Variants in TJP1 observed in about 807,000 individuals in gnomAD.
The protein encoded by TJP1 is tight junction protein 1.
A neutral mutation model predicts 194.2 loss-of-function variants in TJP1; 43 were observed. The observed-to-expected ratio is 0.22, with a 90% CI of 0.17 to 0.29. The LOEUF is 0.29. Ranked by LOEUF, TJP1 falls within the 10% of genes least tolerant of loss-of-function variation. The probability of loss-of-function intolerance (pLI) is 1.00; values close to 1 mark genes in which losing one functional copy is unlikely to be tolerated. For missense variants in TJP1, 1,971 were observed against 2,185.7 expected, an observed-to-expected ratio of 0.90 and a Z score of 1.96; for synonymous variants, 801 against 779.0, an observed-to-expected ratio of 1.03 and a Z score of -0.47.
chr15:29,869,807 T>TC (rs1567150711), intron 2 of TJP1, among the ~76,000 whole-genome samples: 4 of 125,050 alleles, frequency 3.2e-5, no homozygotes, highest in African/African-American at 1.2e-4. Context: ...TTTTTTTTTT[T>TC]TTTTTTTTTT....
rs2051966697 is a variant in TJP1, at chr15:29,858,929, G to A, written c.307-58227C>T. ...GCTTGTCTCAAACTCCTGGGCTCAA[G>A]GCATCCTCCAGCCTCAGCCTCCCAT... On this transcript the variant is annotated intron_variant, in intron 2 of 28. Transcript: ENST00000356107. Among the ~76,000 whole-genome samples the A allele has an allele frequency of 2.0e-5, 3 of 151,922 alleles. 1 individual carries two copies. The South Asian group carries it at 6.2e-4, about 32-fold the overall frequency.
intron 2 of TJP1, among the ~76,000 whole-genome samples, chr15:29,869,149 G>A (rs1325988916): frequency 6.6e-6 from 1 of 152,184 alleles, no homozygotes; most frequent in Non-Finnish European, 1.5e-5. Context: ...AATTTCAGAT[G>A]AATCAAGTTT....
chr15:29,743,325 G>C (rs2044550262), intron 8 of TJP1, among the ~76,000 whole-genome samples: 1 of 152,190 alleles, frequency 6.6e-6, no homozygotes, highest in African/African-American at 2.4e-5. Flanking sequence ...AATGAAATGG[G>C]AATTCTTTAG....
At chr15:29,924,454 AAG>A (rs2054463612) in intron 2 of TJP1, among the ~76,000 whole-genome samples, 1 of 152,242 alleles carries the variant, frequency 6.6e-6, no homozygotes, top group African/African-American at 2.4e-5. Flanking sequence ...ATGCCCATAC[AAG>A]AGATAGCAAA....
chr15:29,741,524 C>T, intron 9 of TJP1, 88 bp from the exon 10 acceptor site: 1 of 829,842 alleles, frequency 1.2e-6, no homozygotes, highest in Admixed American at 2.4e-5. Flanking sequence ...TTCATAAGTT[C>T]AGAGAACCTG....
Position 29,719,757 on chromosome 15 carries a change from C to T in TJP1, c.3003+20G>A, listed in dbSNP as rs374393155. ...ATTGATGGACAGCAACAAATTAGTG[C>T]AACACCGCAGCACAGGTACCTTTGT... is the stretch of plus-strand genomic sequence containing the variant. On this transcript the variant is annotated intron_variant, in intron 20 of 27. Transcript: ENST00000614355. 1.3e-6 allele frequency: 2 copies of T among 1,598,860 alleles called. No homozygotes were observed. Among genetic ancestry groups the T allele is most frequent in the Non-Finnish European group, 1.7e-6 (2 of 1,172,398 alleles).
intron 2 of TJP1, among the ~76,000 whole-genome samples, chr15:29,950,466 C>T (rs1313236964): frequency 3.9e-5 from 6 of 152,180 alleles, no homozygotes; most frequent in African/African-American, 7.2e-5. Context: ...ACTCCACCTC[C>T]ACCATGACCT....
intron 5 of TJP1, among the ~76,000 whole-genome samples, chr15:29,764,325 G>A (rs1431846001): frequency 1.3e-5 from 2 of 152,178 alleles, no homozygotes; most frequent in South Asian, 2.1e-4. Flanking sequence ...GGTGAGTGAC[G>A]GCTGAAAAGT....
chr15:29,819,520 T>G (rs2050178639), intron 1 of TJP1, among the ~76,000 whole-genome samples: 1 of 152,210 alleles, frequency 6.6e-6, no homozygotes, highest in Non-Finnish European at 1.5e-5. Flanking sequence ...TGCACAGATG[T>G]TTCTGGACCT....
chr15:29,739,630 G>A (rs1027455395), intron 10 of TJP1, among the ~76,000 whole-genome samples: 2 of 151,916 alleles, frequency 1.3e-5, no homozygotes, highest in Admixed American at 6.6e-5. Flanking sequence ...ATTTTTAGTA[G>A]AGACGGGGTT....
chr15:29,745,302 G>GGA (rs1555400928), intron 8 of TJP1, among the ~76,000 whole-genome samples: 16 of 135,904 alleles, frequency 1.2e-4, no homozygotes, highest in South Asian at 4.7e-4. Context: ...CCAAAATATT[G>GGA]AAAAAAAAAA....
chr15:29,809,298 C>A (rs962955945), intron 1 of TJP1, among the ~76,000 whole-genome samples: 1 of 152,086 alleles, frequency 6.6e-6, no homozygotes, highest in Non-Finnish European at 1.5e-5. Flanking sequence ...GACAGAATTG[C>A]TCTAGCTACA....
intron 1 of TJP1, 81 bp from the exon 2 acceptor site, chr15:29,800,783 C>T: frequency 4.4e-6 from 6 of 1,375,646 alleles, no homozygotes; most frequent in African/African-American, 1.4e-5. Flanking sequence ...TCCAACAATT[C>T]AGCACACTGA....
chr15:29,949,459 T>A (rs142938955), intron 2 of TJP1, among the ~76,000 whole-genome samples: 2 of 31,110 alleles, frequency 6.4e-5, no homozygotes, highest in Non-Finnish European at 7.2e-5. Context: ...TCACCACCAC[T>A]TCCACCACCA....
intron 2 of TJP1, among the ~76,000 whole-genome samples, chr15:29,885,830 C>T (rs1418475073): frequency 6.6e-6 from 1 of 152,122 alleles, no homozygotes; most frequent in African/African-American, 2.4e-5. Context: ...AATCATTTTT[C>T]CTTGGACTAG....
rs182803456 is a variant in TJP1, at chr15:29,936,133, T to C, written c.306+20099A>G. ...TCCTCGCTGGGGGTTTCCTCCCTCC[T>C]ATGCGCTAGAGTCCATCCATCTGTC... On this transcript the variant is annotated intron_variant, in intron 2 of 28. Coordinates refer to the TJP1 transcript ENST00000356107. 3.3e-5 allele frequency among the ~76,000 whole-genome samples: 5 copies of C among 152,120 alleles called. No homozygotes were observed. In the East Asian group the frequency reaches 7.8e-4, roughly 24 times the overall value.
chr15:29,821,047 T>C (rs1215048549), intron 1 of TJP1, among the ~76,000 whole-genome samples: 1 of 152,242 alleles, frequency 6.6e-6, no homozygotes, highest in Admixed American at 6.5e-5. Context: ...AATGAATTGA[T>C]ATTCTTTAAA....
intron 2 of TJP1, among the ~76,000 whole-genome samples, chr15:29,860,468 TTC>T (rs1475488985): frequency 6.6e-6 from 1 of 152,172 alleles, no homozygotes; most frequent in East Asian, 1.9e-4. Context: ...TTAGTCTACT[TTC>T]TGTTTCTACA....
chr15:29,755,081 T>C (rs1464397208), intron 8 of TJP1, among the ~76,000 whole-genome samples: 5 of 152,234 alleles, frequency 3.3e-5, no homozygotes, highest in Non-Finnish European at 7.3e-5. Context: ...AAGATTAAAA[T>C]ACTGTAGTTG....
Sources: gnomAD v4.1 joint callset for allele counts (sites outside exome capture counted in the v4.1 genomes callset) on GRCh38, gnomAD v4.1.1 for gene constraint, MANE v1.5 for transcripts, NCBI Gene and HGNC (gene_info 2026-07-23, HGNC 2026-07-21) for gene names.